Variants in PRSS23 observed in about 807,000 individuals in gnomAD.
PRSS23 encodes the protein serine protease 23, also known as protease, serine 23.
PRSS23 carries 25 observed loss-of-function variants against 34.7 expected under a neutral mutation model. That is an observed-to-expected ratio of 0.72 (90% CI 0.53 to 1.01). The LOEUF (loss-of-function observed/expected upper bound fraction) is 1.01. PRSS23 is among the 50% of genes least tolerant of loss of function. PRSS23 has a pLI of 0.00. For missense variants in PRSS23, 445 were observed against 475.6 expected, an observed-to-expected ratio of 0.94 and a Z score of 0.60; for synonymous variants, 176 against 186.6, an observed-to-expected ratio of 0.94 and a Z score of 0.46.
At chr11:86,845,425 C>G (rs912210501) in intron 2 of PRSS23, among the ~76,000 whole-genome samples, 1 of 152,176 alleles carries the variant, frequency 6.6e-6, no homozygotes, top group Non-Finnish European at 1.5e-5. Context: ...TTTGTCTTTA[C>G]TTGATACATC....
At chr11:86,797,397 A>G (rs1165761796), upstream of PRSS23, among the ~76,000 whole-genome samples, 1 of 152,222 alleles carries the variant, frequency 6.6e-6, no homozygotes, top group Non-Finnish European at 1.5e-5. Flanking sequence ...ACAGCCAGGA[A>G]GTAGCCTCTC....
intron 2 of PRSS23, among the ~76,000 whole-genome samples, chr11:86,888,178 A>G (rs1481219096): frequency 6.6e-6 from 1 of 151,906 alleles, no homozygotes. Context: ...AATTCTGCTC[A>G]GGAAGACCCT....
At chr11:86,805,700 G>C (rs1948092406) in intron 1 of PRSS23, among the ~76,000 whole-genome samples, 1 of 152,066 alleles carries the variant, frequency 6.6e-6, no homozygotes, top group Admixed American at 6.6e-5. Context: ...GAGGTGGGTG[G>C]GGCACACACA....
chr11:86,817,138 T>A (rs964006616), intron 1 of PRSS23, among the ~76,000 whole-genome samples: 2 of 152,196 alleles, frequency 1.3e-5, no homozygotes, highest in African/African-American at 4.8e-5. Flanking sequence ...GAAAGCCTTT[T>A]TTTGTGATTT....
At chr11:86,945,435 A>G (rs77135432) in intron 2 of PRSS23, among the ~76,000 whole-genome samples, 57 of 151,964 alleles carry the variant, frequency 3.8e-4, no homozygotes, top group African/African-American at 1.4e-3. Context: ...GCATCATGTG[A>G]CCTACTTGAG....
chr11:86,951,257 G>C lies in PRSS23; in HGVS notation c.248G>C (p.Ser83Thr), dbSNP rs1467417843. 1.2e-6 allele frequency: 2 copies of C among 1,614,176 alleles called. No homozygotes were observed. The highest frequency in any genetic ancestry group is 1.7e-6 in the Non-Finnish European group (2 of 1,180,018). The change falls in exon 3 of 3, where the codon AGT becomes ACT. Residue 83 changes from serine to threonine, a missense_variant. Physicochemically the swap from Ser to Thr is moderately conservative, Grantham distance 58 (BLOSUM62 1). Transcript: ENST00000533902. ...GGAACACTTCTGCCACGTGTGAAGA[G>C]TTTTGGCAGACCAAATCCACATGCC...
At chr11:86,795,139 C>G (rs572730087) in intron 1 of PRSS23, among the ~76,000 whole-genome samples, 1 of 152,044 alleles carries the variant, frequency 6.6e-6, no homozygotes, top group Non-Finnish European at 1.5e-5. Context: ...GATAATATAA[C>G]AGTTTGATTT....
intron 2 of PRSS23, among the ~76,000 whole-genome samples, chr11:86,923,557 G>A (rs916216509): frequency 6.6e-6 from 1 of 151,968 alleles, no homozygotes; most frequent in African/African-American, 2.4e-5. Flanking sequence ...TTTTTCTCTG[G>A]ACCTCCTCTC....
At chr11:86,934,963 A>G (rs1949151541) in intron 2 of PRSS23, 1 of 152,222 alleles carries the variant, frequency 6.6e-6, no homozygotes, top group Non-Finnish European at 1.5e-5. Flanking sequence ...TTCCCTTTTG[A>G]TTTTTGACTC....
At chr11:86,908,642 T>A (rs1170387547) in intron 2 of PRSS23, among the ~76,000 whole-genome samples, 1 of 152,168 alleles carries the variant, frequency 6.6e-6, no homozygotes, top group Non-Finnish European at 1.5e-5. Context: ...TACAGAAACT[T>A]TGCGGTCCAT....
At chr11:86,807,595 C>G in intron 1 of PRSS23, 36 bp from the exon 2 acceptor site, 1 of 1,523,628 alleles carries the variant, frequency 6.6e-7, no homozygotes, top group Non-Finnish European at 8.9e-7. Flanking sequence ...ACGTTCAGCC[C>G]TTGCCCTCCT....
intron 2 of PRSS23, chr11:86,934,062 TA>T (rs1363938503): frequency 6.6e-6 from 1 of 152,240 alleles, no homozygotes; most frequent in Non-Finnish European, 1.5e-5. Flanking sequence ...TGTCACACTC[TA>T]TTTTTCAAAT....
intron 2 of PRSS23, among the ~76,000 whole-genome samples, chr11:86,859,811 T>C (rs1948600186): frequency 6.6e-6 from 1 of 151,726 alleles, no homozygotes; most frequent in African/African-American, 2.4e-5. Flanking sequence ...TGGGGAAGAA[T>C]GTTATGACTC....
At chr11:86,833,378 C>T (rs774513378) in intron 2 of PRSS23, 13 of 709,796 alleles carry the variant, frequency 1.8e-5, no homozygotes, top group Non-Finnish European at 2.6e-5. Context: ...AACAGCCCAG[C>T]GAGGGCCAGC....
chr11:86,810,455 T>C lies in PRSS23; in HGVS notation c.*1660T>C, dbSNP rs1948165345. On this transcript the variant is annotated 3_prime_UTR_variant, in exon 2 of 2. Transcript: ENST00000280258. ...CAAATCATATGAGAAATACTATGCA[T>C]AGCAAGGAGATGCAGAGCCGCCAGG... is the stretch of plus-strand genomic sequence containing the variant. 1.2e-5 allele frequency: 2 copies of C among 167,056 alleles called. No individual in the cohort carries two copies. The highest frequency in any genetic ancestry group is 2.9e-5 in the Non-Finnish European group (2 of 68,114). 10.3% of individuals were successfully genotyped at this position (167,056 alleles called of 1,614,324 possible). A position where few individuals can be genotyped will look rare whatever the true frequency, so the allele number is the denominator to read the frequency against.
chr11:86,932,879 T>G (rs935675197), intron 2 of PRSS23: 1 of 152,160 alleles, frequency 6.6e-6, no homozygotes, highest in Non-Finnish European at 1.5e-5. Flanking sequence ...TCTGTAAGGG[T>G]TGGTCACTGT....
chr11:86,893,507 T>C (rs1022746309), intron 2 of PRSS23, among the ~76,000 whole-genome samples: 2 of 152,208 alleles, frequency 1.3e-5, no homozygotes, highest in African/African-American at 4.8e-5. Flanking sequence ...TCATTAAGGA[T>C]GAATGATGAC....
intron 2 of PRSS23, chr11:86,823,670 T>C (rs1948271507): frequency 1.5e-6 from 1 of 689,624 alleles, no homozygotes; most frequent in Admixed American, 2.0e-5. Flanking sequence ...CATTTTCTAA[T>C]GCATTTTAAC....
chr11:86,860,107 G>A (rs1290079456), intron 2 of PRSS23, among the ~76,000 whole-genome samples: 1 of 151,366 alleles, frequency 6.6e-6, no homozygotes, highest in Non-Finnish European at 1.5e-5. Context: ...GGGAAACAAG[G>A]ATGATATTGC....
Sources: gnomAD v4.1 joint callset for allele counts (sites outside exome capture counted in the v4.1 genomes callset) on GRCh38, gnomAD v4.1.1 for gene constraint, MANE v1.5 for transcripts, NCBI Gene and HGNC (gene_info 2026-07-23, HGNC 2026-07-21) for gene names.